The following ORC1 variants were observed in gnomAD, a reference collection of about 807,000 sequenced individuals.
ORC1 encodes origin recognition complex subunit 1.
ORC1 carries 61 observed loss-of-function variants against 98.9 expected under a neutral mutation model. The observed-to-expected ratio is 0.62, with a 90% CI of 0.50 to 0.76. The LOEUF (loss-of-function observed/expected upper bound fraction) is 0.76, where lower values mean the gene tolerates loss of function less well. ORC1 is among the 30% of genes least tolerant of loss of function. ORC1 has a pLI of 0.00. For synonymous variants in ORC1, 385 were observed against 406.9 expected, an observed-to-expected ratio of 0.95 and a Z score of 0.65; for missense variants, 979 against 1,072.2, an observed-to-expected ratio of 0.91 and a Z score of 1.21.
At chr1:52,383,963 A>C in intron 11 of ORC1, 26 bp from the exon 12 acceptor site, 4 of 1,561,974 alleles carry the variant, frequency 2.6e-6, no homozygotes, top group Non-Finnish European at 3.5e-6. Flanking sequence ...CACAGTTGTG[A>C]GGAACTGTAA....
Position 52,393,482 on chromosome 1 carries a change from A to G in ORC1, c.1043T>C (p.Val348Ala), listed in dbSNP as rs1324785514. ...PISGGQRSSV[V>A]PSVILKPENI... is the part of the protein sequence containing the mutation. ...TTCTGGTTTCAGAATCACGGATGGCACCACTGAAGATCTCTGTCCCCCACT... is the reference window on the plus strand; with the variant it reads ...TTCTGGTTTCAGAATCACGGATGGCGCCACTGAAGATCTCTGTCCCCCACT... The change falls in exon 6 of 17, where the codon GTG (valine) becomes GCG (alanine). Residue 348 changes from valine (V) to alanine (A), a missense_variant. Val to Ala is a moderately conservative substitution (Grantham distance 64). Transcript: ENST00000371568. 3.1e-6 allele frequency: 5 copies of G among 1,614,178 alleles called. No homozygotes were observed. The East Asian group carries it at 1.1e-4, about 36-fold the overall frequency.
intron 3 of ORC1, among the ~76,000 whole-genome samples, chr1:52,399,180 A>G (rs1393000311): frequency 6.6e-6 from 1 of 152,188 alleles, no homozygotes; most frequent in Non-Finnish European, 1.5e-5. Context: ...CAGCAAAACA[A>G]AAATCCTAGC....
chr1:52,389,101 TA>T, intron 7 of ORC1, 115 bp downstream of exon 7: 1 of 815,562 alleles, frequency 1.2e-6, no homozygotes, highest in Non-Finnish European at 2.1e-6. Flanking sequence ...ACATGCTAGG[TA>T]AAAGGTCAAT....
At chr1:52,403,227 T>G (rs1354743677) in intron 1 of ORC1, among the ~76,000 whole-genome samples, 12 of 152,264 alleles carry the variant, frequency 7.9e-5, no homozygotes. Context: ...ACCCATCGTG[T>G]GCCAGGCACT....
intron 15 of ORC1, among the ~76,000 whole-genome samples, chr1:52,375,196 C>CT (rs113042981): frequency 9.0e-4 from 134 of 148,182 alleles, no homozygotes; most frequent in African/African-American, 2.8e-3. Flanking sequence ...CAGCTGCTTC[C>CT]TTTTTTTTTT....
chr1:52,385,887 C>G lies in ORC1; in HGVS notation c.1446G>C (p.Gln482His), dbSNP rs1288488377. 6.2e-7 allele frequency: 1 copy of G among 1,613,840 alleles called. No individual in the cohort carries two copies. The highest frequency in any genetic ancestry group is 8.5e-7 in the Non-Finnish European group (1 of 1,179,988). The change falls in exon 9 of 17, where the codon CAG becomes CAC. Residue 482 changes from glutamine to histidine, a missense_variant. By Grantham distance (24) the Gln-to-His change is conservative. Coordinates refer to ENST00000371568, the MANE Select transcript of ORC1 (RefSeq NM_004153.4). ...CTTCCTCCAGCACACTGGCTGGCTC[C>G]TGGGCAGCCAGGCTTCGACTACGGA... ...PQIRSRSLAA[Q>H]EPASVLEEAR...
chr1:52,386,835 C>T (rs1302371694), intron 8 of ORC1, among the ~76,000 whole-genome samples: 1 of 152,052 alleles, frequency 6.6e-6, no homozygotes, highest in Non-Finnish European at 1.5e-5. Flanking sequence ...CCTGTAGTCC[C>T]AGCTACTTGG....
chr1:52,383,295 C>A, intron 13 of ORC1, 125 bp downstream of exon 13: 1 of 1,084,048 alleles, frequency 9.2e-7, no homozygotes, highest in Non-Finnish European at 1.4e-6. Flanking sequence ...GTGATCCGCC[C>A]GCCTTGGCCT....
chr1:52,395,847 G>A (rs1440611117), intron 5 of ORC1, among the ~76,000 whole-genome samples, 199 bp downstream of exon 5: 1 of 152,046 alleles, frequency 6.6e-6, no homozygotes, highest in African/African-American at 2.4e-5. Flanking sequence ...CCAGAAAATG[G>A]AGCCAAGTGC....
chr1:52,395,816 AAAAAAC>A (rs1401147873), intron 5 of ORC1, among the ~76,000 whole-genome samples: 1 of 152,116 alleles, frequency 6.6e-6, no homozygotes, highest in Non-Finnish European at 1.5e-5. Context: ...ACTCTGTCTC[AAAAAAC>A]AAAAACAAAA....
rs915158928 is a variant in ORC1 at position 52,373,072 on chromosome 1, C to A, written c.*109G>T. 8.7e-7 allele frequency: 1 copy of A among 1,144,634 alleles called. No homozygotes were observed. Among genetic ancestry groups the A allele is most frequent in the East Asian group, 2.4e-5 (1 of 42,276 alleles). 70.9% of individuals were successfully genotyped at this position (1,144,634 alleles called of 1,614,324 possible). On this transcript the variant is annotated 3_prime_UTR_variant, in exon 17 of 17. Coordinates refer to ENST00000371568, the MANE Select transcript of ORC1 (RefSeq NM_004153.4). ...ACCTAAGCCTGAGAAGTCAAGGCTGCAGTGAGCCATGATCGTGCCACTGCA... is the reference window on the plus strand; with the variant it reads ...ACCTAAGCCTGAGAAGTCAAGGCTGAAGTGAGCCATGATCGTGCCACTGCA...
upstream of ORC1, chr1:52,405,864 T>C (rs1306456832): frequency 3.7e-6 from 6 of 1,604,374 alleles, no homozygotes; most frequent in Non-Finnish European, 4.3e-6. Flanking sequence ...CACTAGCTAA[T>C]ATAAGAGGTT....
In ORC1 at chr1:52,373,156, C is replaced by G. The variant is rs1039469522; in HGVS notation, c.*25G>C. On this transcript the variant is annotated 3_prime_UTR_variant, in exon 17 of 17. Coordinates refer to ENST00000371568, the MANE Select transcript of ORC1 (RefSeq NM_004153.4). ...CAAAAAACAAAACCCAGCAAGACCC[C>G]AGTCTTTTAACTTGTGAAGCCCCTT... 17 of 1,611,342 alleles carry G rather than the reference C, an allele frequency of 1.1e-5. No individual in the cohort carries two copies. In the East Asian group the frequency reaches 1.8e-4, roughly 17 times the overall value.
intron 13 of ORC1, 54 bp downstream of exon 13, chr1:52,383,366 T>C: frequency 6.2e-7 from 1 of 1,607,942 alleles, no homozygotes; most frequent in Non-Finnish European, 8.5e-7. Flanking sequence ...GCAGAACTTC[T>C]TGGCCAAGCT....
At chr1:52,387,396 G>A (rs1647156177) in intron 8 of ORC1, among the ~76,000 whole-genome samples, 1 of 152,152 alleles carries the variant, frequency 6.6e-6, no homozygotes, top group South Asian at 2.1e-4. Context: ...TGTCTTCCAC[G>A]AAGGGGGTCC....
chr1:52,388,475 G>C lies in ORC1; in HGVS notation c.1350C>G (p.Ser450=), dbSNP rs757720656. The part of the protein sequence containing the change: ...SRNLRSSLKS[S]LHTLTKVPKK... ...TTGGCACCTTCGTGAGGGTATGTAA[G>C]GATGACTTCAAGGAAGATCGCAGGT... Residue 450 remains serine (S), a synonymous_variant, in exon 8 of 17, where the codon TCC becomes TCG. Transcript: ENST00000371568. 2 of 1,614,118 alleles carry C rather than the reference G, an allele frequency of 1.2e-6. No individual in the cohort carries two copies. Among genetic ancestry groups the C allele is most frequent in the Non-Finnish European group, 1.7e-6 (2 of 1,180,002 alleles).
intron 3 of ORC1, among the ~76,000 whole-genome samples, chr1:52,399,118 CACAGGCA>C (rs1647570415): frequency 6.6e-6 from 1 of 152,166 alleles, no homozygotes; most frequent in Admixed American, 6.5e-5. Flanking sequence ...CTACTCTAAA[CACAGGCA>C]ACGAACAAAT....
At chr1:52,383,365 C>T in intron 13 of ORC1, 55 bp downstream of exon 13, 2 of 1,607,950 alleles carry the variant, frequency 1.2e-6, no homozygotes, top group Non-Finnish European at 1.7e-6. Flanking sequence ...TGCAGAACTT[C>T]TTGGCCAAGC....
intron 3 of ORC1, among the ~76,000 whole-genome samples, chr1:52,398,217 G>A (rs1037403703): frequency 6.6e-6 from 1 of 151,158 alleles, no homozygotes; most frequent in Non-Finnish European, 1.5e-5. Context: ...GCCTACCTTG[G>A]CCTCCCAAAG....
Sources: allele counts gnomAD v4.1 joint callset (sites outside exome capture counted in the v4.1 genomes callset), GRCh38; gene constraint gnomAD v4.1.1; transcripts MANE v1.5; gene names NCBI Gene and HGNC (gene_info 2026-07-23, HGNC 2026-07-21).